SGCZ: variants seen among roughly 807,000 people sequenced by gnomAD.
SGCZ encodes zeta-sarcoglycan.
SGCZ carries 40 observed loss-of-function variants against 41.3 expected under a neutral mutation model. That is an observed-to-expected ratio of 0.97 (90% CI 0.75 to 1.26). SGCZ has a LOEUF of 1.26. Ranked by LOEUF, SGCZ falls within the 50% of genes most tolerant of loss-of-function variation. The probability of loss-of-function intolerance (pLI) is 0.00; values close to 1 mark genes in which losing one functional copy is unlikely to be tolerated. For synonymous variants in SGCZ, 206 were observed against 137.5 expected (o/e 1.50, Z -3.49); for missense variants, 552 against 369.8 (o/e 1.49, Z -4.04).
intron 1 of SGCZ, among the ~76,000 whole-genome samples, chr8:14,639,499 T>A (rs1585145814): frequency 6.6e-6 from 1 of 151,840 alleles, no homozygotes; most frequent in East Asian, 2.0e-4. Context: ...TTTTCTTTCT[T>A]CGGAAAATCA....
chr8:14,697,537 T>A (rs1809003766), intron 1 of SGCZ, among the ~76,000 whole-genome samples: 1 of 152,070 alleles, frequency 6.6e-6, no homozygotes, highest in South Asian at 2.1e-4. Context: ...ATAAACTTGT[T>A]CTGCTGATTA....
chr8:15,209,106 C>CT (rs34435668), intron 1 of SGCZ, among the ~76,000 whole-genome samples: 118,638 of 151,778 alleles, frequency 0.78, 46,827 homozygotes, highest in Non-Finnish European at 0.83. Flanking sequence ...TCACAAATAT[C>CT]TTAGTTTTTC....
At chr8:14,762,652 C>A (rs1232730110) in intron 1 of SGCZ, among the ~76,000 whole-genome samples, 2 of 152,132 alleles carry the variant, frequency 1.3e-5, no homozygotes, top group African/African-American at 2.4e-5. Context: ...TGAAAAAAAT[C>A]TTCAGGAAAT....
chr8:14,631,268 C>G (rs1689946888), intron 1 of SGCZ, among the ~76,000 whole-genome samples: 1 of 133,988 alleles, frequency 7.5e-6, no homozygotes, highest in African/African-American at 2.8e-5. Flanking sequence ...AGTGATAATA[C>G]AGAACACATA....
intron 1 of SGCZ, among the ~76,000 whole-genome samples, chr8:14,661,032 T>C (rs962528644): frequency 4.6e-5 from 7 of 152,146 alleles, no homozygotes. Flanking sequence ...TTTAGAGGGT[T>C]CTTCCCAGAA....
chr8:14,633,892 A>G (rs533422584), intron 1 of SGCZ, among the ~76,000 whole-genome samples: 49 of 151,598 alleles, frequency 3.2e-4, no homozygotes, highest in African/African-American at 1.2e-3. Context: ...TTAACATTAA[A>G]CAAACAAAAG....
At chr8:14,568,421 G>GA (rs1184916532) in intron 1 of SGCZ, among the ~76,000 whole-genome samples, 3,403 of 74,012 alleles carry the variant, frequency 0.046, 58 homozygotes, top group African/African-American at 0.086. Context: ...TGATCGTTTT[G>GA]AAAAAAAAAA....
chr8:14,482,969 T>G (rs1385718769), intron 2 of SGCZ, among the ~76,000 whole-genome samples: 1 of 152,022 alleles, frequency 6.6e-6, no homozygotes. Context: ...GTGAGCCAAT[T>G]CTTACACCAT....
intron 1 of SGCZ, among the ~76,000 whole-genome samples, chr8:14,701,398 C>G (rs1232713749): frequency 6.6e-6 from 1 of 151,900 alleles, no homozygotes; most frequent in Admixed American, 6.6e-5. Context: ...CAACTCTCTT[C>G]CCTCACAACT....
intron 1 of SGCZ, among the ~76,000 whole-genome samples, chr8:15,032,421 G>T (rs1170916551): frequency 6.6e-6 from 1 of 152,160 alleles, no homozygotes; most frequent in East Asian, 1.9e-4. Context: ...GGGAAGGAGA[G>T]TGAAGAGAGA....
intron 1 of SGCZ, among the ~76,000 whole-genome samples, chr8:15,056,555 A>C (rs1353853314): frequency 6.6e-6 from 1 of 152,116 alleles, no homozygotes; most frequent in Non-Finnish European, 1.5e-5. Flanking sequence ...AAAAAAAAAA[A>C]ACATTAGAAA....
At chr8:14,374,249 C>A (rs1205451345) in intron 2 of SGCZ, among the ~76,000 whole-genome samples, 2 of 152,050 alleles carry the variant, frequency 1.3e-5, no homozygotes, top group Non-Finnish European at 2.9e-5. Flanking sequence ...CGTGGTGGTG[C>A]CTGCCTGTAG....
chr8:14,479,297 G>T (rs570027589), intron 2 of SGCZ, among the ~76,000 whole-genome samples: 1 of 151,860 alleles, frequency 6.6e-6, no homozygotes, highest in Non-Finnish European at 1.5e-5. Context: ...ACGTTCAACG[G>T]CAGGAAGCAT....
intron 2 of SGCZ, among the ~76,000 whole-genome samples, chr8:14,395,887 T>C (rs187563814): frequency 9.4e-4 from 143 of 152,364 alleles, no homozygotes; most frequent in African/African-American, 3.4e-3. Context: ...AAAAAGTATC[T>C]GTTCGCTTCT....
chr8:14,772,794 AT>A (rs1417266685), intron 1 of SGCZ, among the ~76,000 whole-genome samples: 1 of 152,038 alleles, frequency 6.6e-6, no homozygotes, highest in Admixed American at 6.6e-5. Flanking sequence ...TCCATGGTGT[AT>A]ATGTGCCACA....
At chr8:14,816,913 C>A (rs1167506901) in intron 1 of SGCZ, among the ~76,000 whole-genome samples, 2 of 152,214 alleles carry the variant, frequency 1.3e-5, no homozygotes, top group Non-Finnish European at 2.9e-5. Flanking sequence ...TTAGTCCTAA[C>A]ACCAAAATAC....
chr8:14,840,972 A>C (rs1301054823), intron 1 of SGCZ, among the ~76,000 whole-genome samples: 1 of 152,110 alleles, frequency 6.6e-6, no homozygotes, highest in Non-Finnish European at 1.5e-5. Context: ...TCCCATTATT[A>C]CTATGAAGTC....
At chr8:15,110,397 G>A (rs1037967285) in intron 1 of SGCZ, among the ~76,000 whole-genome samples, 1 of 152,226 alleles carries the variant, frequency 6.6e-6, no homozygotes, top group African/African-American at 2.4e-5. Context: ...GTTCCTATAA[G>A]ATCCATGGAT....
At chr8:15,152,518 T>C (rs1259026937) in intron 1 of SGCZ, among the ~76,000 whole-genome samples, 1 of 152,142 alleles carries the variant, frequency 6.6e-6, no homozygotes, top group Non-Finnish European at 1.5e-5. Context: ...AAACTACAGA[T>C]GTCAAAACAG....
Sources: allele counts gnomAD v4.1 joint callset (sites outside exome capture counted in the v4.1 genomes callset), GRCh38; gene constraint gnomAD v4.1.1; transcripts MANE v1.5; gene names NCBI Gene and HGNC (gene_info 2026-07-23, HGNC 2026-07-21).